CAMK2G: variants seen among roughly 807,000 people sequenced by gnomAD.
CAMK2G encodes the protein calcium/calmodulin dependent protein kinase II gamma, also known as calcium/calmodulin-dependent protein kinase type II subunit gamma.
CAMK2G carries 23 observed loss-of-function variants against 88.7 expected under a neutral mutation model. The ratio of observed to expected loss-of-function variants is 0.26; its 90% CI spans 0.19 to 0.37. The LOEUF (loss-of-function observed/expected upper bound fraction) is 0.37, where lower values mean the gene tolerates loss of function less well. CAMK2G is among the 10% of genes least tolerant of loss of function. The pLI is 1.00. For synonymous variants in CAMK2G, 263 were observed against 294.8 expected (o/e 0.89, Z 1.11); for missense variants, 476 against 780.8 (o/e 0.61, Z 4.65).
chr10:73,847,434 A>T, intron 9 of CAMK2G, 87 bp from the exon 10 acceptor site: 5 of 1,414,300 alleles, frequency 3.5e-6, no homozygotes, highest in Non-Finnish European at 5.0e-6. Flanking sequence ...CAACTCCTGT[A>T]ATTGGGATAC....
chr10:73,864,463 C>T (rs1333378250), intron 2 of CAMK2G, among the ~76,000 whole-genome samples: 3 of 152,066 alleles, frequency 2.0e-5, no homozygotes, highest in Non-Finnish European at 4.4e-5. Context: ...CTCAACAGCA[C>T]GTTAGATGTC....
intron 12 of CAMK2G, among the ~76,000 whole-genome samples, chr10:73,840,938 T>C (rs1803462023): frequency 6.6e-6 from 1 of 152,194 alleles, no homozygotes; most frequent in Non-Finnish European, 1.5e-5. Context: ...CAGCCACGCT[T>C]CCCTGTTCCC....
At chr10:73,862,401 T>A (rs2135574562) in intron 2 of CAMK2G, among the ~76,000 whole-genome samples, 1 of 151,488 alleles carries the variant, frequency 6.6e-6, no homozygotes, top group Non-Finnish European at 1.5e-5. Flanking sequence ...GGGGGTACCT[T>A]TCCAGGTAGT....
intron 15 of CAMK2G, among the ~76,000 whole-genome samples, chr10:73,827,651 A>G (rs2091407271): frequency 6.6e-6 from 1 of 152,216 alleles, no homozygotes. Flanking sequence ...CAGAGCCAGG[A>G]GAGCGAGACT....
chr10:73,855,098 GCGCCA>G (rs2094928802), intron 3 of CAMK2G, among the ~76,000 whole-genome samples: 1 of 152,102 alleles, frequency 6.6e-6, no homozygotes, highest in Non-Finnish European at 1.5e-5. Context: ...GAAGGAGCCA[GCGCCA>G]GGCCCCTGCC....
chr10:73,836,180 A>G (rs2093190918), intron 14 of CAMK2G, among the ~76,000 whole-genome samples: 1 of 152,208 alleles, frequency 6.6e-6, no homozygotes, highest in South Asian at 2.1e-4. Flanking sequence ...TAAAACTGCA[A>G]AGTGAGTCTC....
intron 14 of CAMK2G, among the ~76,000 whole-genome samples, chr10:73,829,266 T>TTTTATTTATTTATTTATTTA (rs55861420): frequency 7.1e-6 from 1 of 140,982 alleles, no homozygotes; most frequent in Admixed American, 7.2e-5. Context: ...TACATTGGCC[T>TTTTATTTATTTATTTATTTA]TTTATTTATT....
intron 21 of CAMK2G, 74 bp from the exon 22 acceptor site, chr10:73,815,321 C>A: frequency 2.1e-6 from 2 of 961,742 alleles, no homozygotes; most frequent in Non-Finnish European, 3.3e-6. Flanking sequence ...CCTGCACTTC[C>A]AAGTCTTACC....
intron 21 of CAMK2G, chr10:73,815,960 A>G: frequency 2.0e-6 from 2 of 985,458 alleles, no homozygotes; most frequent in Non-Finnish European, 2.4e-6. Flanking sequence ...TAGTACTAAT[A>G]TAAACTCTGG....
Position 73,823,568 on chromosome 10 carries a change from G to A in CAMK2G, c.1200+472C>T, listed in dbSNP as rs902939509. 8.5e-5 allele frequency among the ~76,000 whole-genome samples: 13 copies of A among 152,066 alleles called. 1 individual carries two copies. Among genetic ancestry groups the A allele is most frequent in the Non-Finnish European group, 1.5e-4 (10 of 68,006 alleles). On this transcript the variant is annotated intron_variant, in intron 17 of 22. Coordinates refer to ENST00000423381, the MANE Select transcript of CAMK2G (RefSeq NM_001367534.1). ...TTATCTGCCTCCCATCCCACCCACC[G>A]TTTGAACAGATAATTTGTCTTGTCA... is the stretch of plus-strand genomic sequence containing the variant.
chr10:73,861,803 G>A (rs1235480792), intron 2 of CAMK2G, among the ~76,000 whole-genome samples: 1 of 152,180 alleles, frequency 6.6e-6, no homozygotes, highest in African/African-American at 2.4e-5. Flanking sequence ...ATAATAAAGA[G>A]GTTGATGATC....
intron 2 of CAMK2G, among the ~76,000 whole-genome samples, chr10:73,872,402 C>T (rs775162554): frequency 8.5e-5 from 13 of 152,366 alleles, no homozygotes; most frequent in African/African-American, 1.2e-4. Context: ...TCTGCTGCTG[C>T]ACCACCAACT....
At chr10:73,822,105 T>A (rs1025273977) in intron 17 of CAMK2G, among the ~76,000 whole-genome samples, 2 of 152,218 alleles carry the variant, frequency 1.3e-5, no homozygotes, top group African/African-American at 4.8e-5. Flanking sequence ...GCCACCAGCA[T>A]CTCACACCTG....
chr10:73,838,926 G>A (rs2093505408), intron 13 of CAMK2G, among the ~76,000 whole-genome samples: 1 of 152,200 alleles, frequency 6.6e-6, no homozygotes. Flanking sequence ...CACAGGCAGG[G>A]CTGAGAGCCT....
rs749043013 is a variant in CAMK2G at position 73,848,129 on chromosome 10, C to T, written c.602-47G>A. The T allele has an allele frequency of 2.5e-6, 3 of 1,182,368 alleles. No individual in the cohort carries two copies. Among genetic ancestry groups the T allele is most frequent in the Non-Finnish European group, 3.8e-6 (3 of 788,396 alleles). 73.2% of individuals were successfully genotyped at this position (1,182,368 alleles called of 1,614,324 possible). On this transcript the variant is annotated intron_variant, in intron 8 of 22. Coordinates refer to ENST00000423381, the MANE Select transcript of CAMK2G (RefSeq NM_001367534.1). The surrounding 1 kb of genome is among the most constrained non-coding windows in gnomAD (Gnocchi z 4.5). ...TCATGGGGGTCAGTCGCCTACTTCC[C>T]TGAGGAACCAAGAAAAACCATGCAG...
At chr10:73,829,974 T>C (rs1291326973) in intron 14 of CAMK2G, among the ~76,000 whole-genome samples, 3 of 152,198 alleles carry the variant, frequency 2.0e-5, no homozygotes, top group Non-Finnish European at 4.4e-5. Flanking sequence ...AGGCACTCAC[T>C]CACCAGGCCC....
At chr10:73,847,167 G>T in intron 10 of CAMK2G, 58 bp downstream of exon 10, 1 of 1,579,846 alleles carries the variant, frequency 6.3e-7, no homozygotes, top group Non-Finnish European at 8.7e-7. Flanking sequence ...GGGTGGTGCC[G>T]AGGGCACACA....
intron 21 of CAMK2G, chr10:73,816,736 G>C (rs1443474653): frequency 7.4e-7 from 1 of 1,359,204 alleles, no homozygotes; most frequent in Admixed American, 2.2e-5. Context: ...TGGGATTACA[G>C]GCGTAAGCCA....
chr10:73,839,469 G>C lies in CAMK2G; in HGVS notation c.1009+70C>G. 1 of 888,282 alleles carries C rather than the reference G, an allele frequency of 1.1e-6. No homozygotes were observed. The highest frequency in any genetic ancestry group is 1.5e-6 in the Non-Finnish European group (1 of 673,442). 55.0% of individuals were successfully genotyped at this position (888,282 alleles called of 1,614,324 possible). A position where few individuals can be genotyped will look rare whatever the true frequency, so the allele number is the denominator to read the frequency against. ...CTCGCCTCCCTGGTGAGTGGGCCCG[G>C]CATGCTGGCCCTCCTGGTGGGGTGG... On this transcript the variant is annotated intron_variant, in intron 13 of 22. Coordinates refer to ENST00000423381, the MANE Select transcript of CAMK2G (RefSeq NM_001367534.1). This position sits in a 1 kb window ranked among gnomAD's most constrained non-coding sequence, Gnocchi z 4.2.
Sources: gnomAD v4.1 joint callset for allele counts (sites outside exome capture counted in the v4.1 genomes callset) on GRCh38, gnomAD v4.1.1 for gene constraint, Gnocchi (gnomAD v3.1) non-coding constraint, MANE v1.5 for transcripts, NCBI Gene and HGNC (gene_info 2026-07-23, HGNC 2026-07-21) for gene names.